The following TECTA variants were observed in gnomAD, a reference collection of about 807,000 sequenced individuals.
TECTA encodes the protein alpha-tectorin.
A neutral mutation model predicts 216.8 loss-of-function variants in TECTA; 128 were observed. That is an observed-to-expected ratio of 0.59 (90% CI 0.51 to 0.68). TECTA has a LOEUF of 0.68. TECTA is among the 30% of genes least tolerant of loss of function. The pLI, the probability that TECTA is intolerant of heterozygous loss-of-function variation, is 0.00. For missense variants in TECTA, 2,551 were observed against 2,786.2 expected (o/e 0.92, Z 1.90); for synonymous variants, 1,089 against 1,117.1 (o/e 0.97, Z 0.50).
rs1011439457 is a variant in TECTA, at chr11:121,106,092, G to C, written c.198+128G>C. 1.1e-5 allele frequency: 16 copies of C among 1,424,616 alleles called. No individual in the cohort carries two copies. In the East Asian group the frequency reaches 1.8e-4, roughly 16 times the overall value. 88.2% of individuals were successfully genotyped at this position (1,424,616 alleles called of 1,614,324 possible). On this transcript the variant is annotated intron_variant, in intron 3 of 23. Coordinates refer to ENST00000392793, the MANE Select transcript of TECTA (RefSeq NM_005422.4). ...GATTTATTGGCAGCCAAAACGACAA[G>C]TTCTGAGATTTCATGAGCTGATAGG...
chr11:121,187,982 C>A lies in TECTA; in HGVS notation c.6150C>A (p.Tyr2050Ter), dbSNP rs374455045. The A allele has an allele frequency of 2.4e-5, 39 of 1,614,014 alleles. No individual in the cohort carries two copies. The highest frequency in any genetic ancestry group is 3.0e-5 in the Non-Finnish European group (35 of 1,180,026). Residue 2050 changes from tyrosine to a stop codon, truncating the protein, a stop_gained, in exon 21 of 24, where the codon TAC becomes TAA. Transcript: ENST00000392793. LOFTEE classifies it high-confidence loss of function. The part of the protein sequence containing the change: ...CAVSLCDSEK[Y>*]SCKITCPHNS... ...TGTCACTCTGCGACTCAGAAAAGTACTCCTGTAAAATCGTAAGTGAGAGTG... is the reference window on the plus strand; with the variant it reads ...TGTCACTCTGCGACTCAGAAAAGTAATCCTGTAAAATCGTAAGTGAGAGTG...
chr11:121,188,072 C>A, intron 21 of TECTA, 78 bp downstream of exon 21: 1 of 1,512,282 alleles, frequency 6.6e-7, no homozygotes, highest in Non-Finnish European at 9.2e-7. Flanking sequence ...ATCGTGAATG[C>A]CAGGTGACCG....
rs544790848 is a variant in TECTA, at chr11:121,105,970, T to C, written c.198+6T>C. On this transcript the variant is annotated splice_donor_region_variant and intron_variant, in intron 3 of 23. Coordinates refer to ENST00000392793, the MANE Select transcript of TECTA (RefSeq NM_005422.4). This position sits in a 1 kb window ranked among gnomAD's most constrained non-coding sequence, Gnocchi z 5.3. The stretch of plus-strand genomic sequence containing the variant: ...TTCCTTACCGCACTGTCTATGTAAG[T>C]GGAGAAGCAGCCCATCTGTTGTTCT... 1 of 1,614,198 alleles carries C rather than the reference T, an allele frequency of 6.2e-7. No individual in the cohort carries two copies. Among genetic ancestry groups the C allele is most frequent in the Non-Finnish European group, 8.5e-7 (1 of 1,180,026 alleles).
chr11:121,146,971 C>T lies in TECTA; in HGVS notation c.4105+855C>T, dbSNP rs116271662. Among the ~76,000 whole-genome samples, 889 of 152,290 alleles carry T rather than the reference C, an allele frequency of 5.8e-3. 12 individuals are homozygous for T. The highest frequency in any genetic ancestry group is 0.02 in the African/African-American group (845 of 41,562). On this transcript the variant is annotated intron_variant, in intron 12 of 23. Coordinates refer to ENST00000392793, the MANE Select transcript of TECTA (RefSeq NM_005422.4). ...TATAATCTGAGTGGCAAAGTCAGGACTTGAGCTTCTAACCCAAAGCCCAGG... is the reference window on the plus strand; with the variant it reads ...TATAATCTGAGTGGCAAAGTCAGGATTTGAGCTTCTAACCCAAAGCCCAGG...
chr11:121,184,928 T>C lies in TECTA; in HGVS notation c.6000-2904T>C, dbSNP rs143631930. 5.8e-3 allele frequency among the ~76,000 whole-genome samples: 877 copies of C among 152,354 alleles called. 6 individuals are homozygous for C. Among genetic ancestry groups the C allele is most frequent in the Middle Eastern group, 0.044 (13 of 294 alleles). On this transcript the variant is annotated intron_variant, in intron 20 of 23. Coordinates refer to ENST00000392793, the MANE Select transcript of TECTA (RefSeq NM_005422.4). Reference sequence around the variant, plus strand: ...ACAATTATCCTTTTGTCCATGTTTCTTCCTCCTCTTTTTGTATTCCTTTCG... The same window carrying C: ...ACAATTATCCTTTTGTCCATGTTTCCTCCTCCTCTTTTTGTATTCCTTTCG...
intron 11 of TECTA, among the ~76,000 whole-genome samples, chr11:121,144,139 T>C (rs973450256): frequency 1.3e-5 from 2 of 152,102 alleles, no homozygotes; most frequent in Admixed American, 1.3e-4. Context: ...AACTGCAAAC[T>C]GTTCGGTGTT....
chr11:121,123,048 A>G (rs1946574718), intron 7 of TECTA, among the ~76,000 whole-genome samples: 1 of 152,238 alleles, frequency 6.6e-6, no homozygotes, highest in South Asian at 2.1e-4. Context: ...GGATGCTCAG[A>G]CCATCATCTC....
chr11:121,116,467 C>T (rs11218146), intron 6 of TECTA, among the ~76,000 whole-genome samples: 17,184 of 152,236 alleles, frequency 0.11, 2,955 homozygotes, highest in African/African-American at 0.37. Context: ...ACGGAAAACA[C>T]TGGCTTGCAG....
chr11:121,113,294 G>A lies in TECTA; in HGVS notation c.624+85G>A, dbSNP rs1269337907. The A allele has an allele frequency of 6.2e-7, 1 of 1,605,558 alleles. No individual in the cohort carries two copies. Among genetic ancestry groups the A allele is most frequent in the South Asian group, 1.1e-5 (1 of 90,496 alleles). ...GGCTCAGCATCCTGGAGGGAATCCT[G>A]CCACCAGCTTTTAACTAGAGACGCA... On this transcript the variant is annotated intron_variant, in intron 5 of 23. Coordinates refer to ENST00000392793, the MANE Select transcript of TECTA (RefSeq NM_005422.4). This position sits in a 1 kb window ranked among gnomAD's most constrained non-coding sequence, Gnocchi z 4.2.
chr11:121,163,104 C>T (rs1947017691), intron 16 of TECTA, among the ~76,000 whole-genome samples: 1 of 152,112 alleles, frequency 6.6e-6, no homozygotes, highest in Non-Finnish European at 1.5e-5. Context: ...TTCTCTGACC[C>T]ACAACACCAA....
At position 121,190,914 on chromosome 11, in the gene TECTA, C is replaced by T. The variant is rs1218582189; in HGVS notation, c.*108C>T. 1.9e-5 allele frequency: 16 copies of T among 862,258 alleles called. No individual in the cohort carries two copies. The highest frequency in any genetic ancestry group is 3.0e-5 in the Non-Finnish European group (16 of 541,582). The allele number at this position is 862,258 out of a possible 1,614,324, so 53.4% of individuals were successfully genotyped here. A position where few individuals can be genotyped will look rare whatever the true frequency, so the allele number is the denominator to read the frequency against. On this transcript the variant is annotated 3_prime_UTR_variant, in exon 24 of 24. Transcript: ENST00000392793. ...AAACCTATTTGAAAGTGTCCAGCAT[C>T]TCAAAATGATGCCACCTGCCTCCAA...
chr11:121,142,451 G>A (rs1018574278), intron 11 of TECTA, among the ~76,000 whole-genome samples: 7 of 152,164 alleles, frequency 4.6e-5, no homozygotes, highest in South Asian at 2.1e-4. Flanking sequence ...CAGAGAAGCC[G>A]AGCCTGTCTG....
At chr11:121,144,084 A>C (rs1015049413) in intron 11 of TECTA, among the ~76,000 whole-genome samples, 1 of 152,166 alleles carries the variant, frequency 6.6e-6, no homozygotes, top group Admixed American at 6.5e-5. Flanking sequence ...CACTCACGGC[A>C]CAGGAAATGG....
chr11:121,118,507 A>G lies in TECTA; in HGVS notation c.992A>G (p.His331Arg), dbSNP rs1433036389. 1.9e-6 allele frequency: 3 copies of G among 1,614,062 alleles called. No homozygotes were observed. Among genetic ancestry groups the G allele is most frequent in the East Asian group, 4.5e-5 (2 of 44,896 alleles). The stretch of plus-strand genomic sequence containing the variant: ...GTGGTGTTTGGGGAGCCACACTACC[A>G]CACTTTTGACGGCTTCCTCTTCCAC... Reference protein sequence around the residue: ...TCVVFGEPHYHTFDGFLFHFQ... With the variant: ...TCVVFGEPHYRTFDGFLFHFQ... Residue 331 changes from histidine (H) to arginine (R), a missense_variant, in exon 7 of 24, where the codon CAC becomes CGC. Coordinates refer to ENST00000392793, the MANE Select transcript of TECTA (RefSeq NM_005422.4).
intron 20 of TECTA, among the ~76,000 whole-genome samples, chr11:121,170,901 G>T (rs1947105209): frequency 6.6e-6 from 1 of 152,066 alleles, no homozygotes; most frequent in Non-Finnish European, 1.5e-5. Context: ...TTTGTTGATT[G>T]ATATCTTTGC....
intron 22 of TECTA, among the ~76,000 whole-genome samples, chr11:121,189,375 C>T (rs989482613): frequency 6.8e-6 from 1 of 146,770 alleles, no homozygotes; most frequent in Non-Finnish European, 1.5e-5. Flanking sequence ...TTGTCCTCCT[C>T]TTTTTTTTTT....
At position 121,118,629 on chromosome 11, in the gene TECTA, G is replaced by C; in HGVS notation, c.1114G>C (p.Gly372Arg). The C allele has an allele frequency of 1.2e-6, 2 of 1,614,132 alleles. No homozygotes were observed. Among genetic ancestry groups the C allele is most frequent in the Non-Finnish European group, 1.7e-6 (2 of 1,180,022 alleles). Residue 372 changes from glycine (G) to arginine (R), a missense_variant, in exon 7 of 24, where the codon GGT becomes CGT. Physicochemically the swap from Gly to Arg is moderately radical, Grantham distance 125. Around this residue, in one of 3 missense-constraint regions of TECTA, gnomAD observed 2,375 missense variants for 2,563.9 expected, o/e 0.93. Transcript: ENST00000392793. ...GGAGGCCAAGAATGAACACCGCAGA[G>C]GTTCAGCCGTCTCCTGGGTGAAGGA... ...SVEAKNEHRR[G>R]SAVSWVKELS...
rs761150870 is a variant in TECTA at position 121,138,039 on chromosome 11, T to A, written c.3543+17T>A. The A allele has an allele frequency of 1.9e-6, 3 of 1,613,178 alleles. No homozygotes were observed. Among genetic ancestry groups the A allele is most frequent in the East Asian group, 4.5e-5 (2 of 44,842 alleles). On this transcript the variant is annotated intron_variant, in intron 11 of 23. Coordinates refer to ENST00000392793, the MANE Select transcript of TECTA (RefSeq NM_005422.4). Reference sequence around the variant, plus strand: ...ACTGTGCTGGTGAGTAGTCATGAGGTCCCCTCAAAAGGGGAATCGTGGAGA... The same window carrying A: ...ACTGTGCTGGTGAGTAGTCATGAGGACCCCTCAAAAGGGGAATCGTGGAGA...
chr11:121,155,190 T>C (rs186947900), intron 13 of TECTA, among the ~76,000 whole-genome samples: 12 of 152,340 alleles, frequency 7.9e-5, no homozygotes, highest in Admixed American at 3.3e-4. Flanking sequence ...GCTGTCATTG[T>C]CATGTATGAT....
Sources: allele counts gnomAD v4.1 joint callset (sites outside exome capture counted in the v4.1 genomes callset), GRCh38; gene constraint gnomAD v4.1.1; regional missense constraint gnomAD v4.1.1; non-coding constraint Gnocchi (gnomAD v3.1); transcripts MANE v1.5; gene names NCBI Gene and HGNC (gene_info 2026-07-23, HGNC 2026-07-21).